NEK5: variants seen among roughly 807,000 people sequenced by gnomAD.
The protein encoded by NEK5 is serine/threonine-protein kinase Nek5.
Under a neutral mutation model 109.2 loss-of-function variants are expected in NEK5, and 88 were observed. The ratio of observed to expected loss-of-function variants is 0.81; its 90% CI spans 0.68 to 0.96. The LOEUF is 0.96. Among genes scored for constraint, NEK5 ranks in the 40% least tolerant of loss-of-function variants. NEK5 has a pLI of 0.00. For synonymous variants in NEK5, 283 were observed against 299.9 expected (o/e 0.94, Z 0.58); for missense variants, 834 against 920.7 (o/e 0.91, Z 1.22).
chr13:52,098,653 G>A (rs531537036), intron 12 of NEK5, among the ~76,000 whole-genome samples: 176 of 152,188 alleles, frequency 1.2e-3, no homozygotes, highest in Non-Finnish European at 2.1e-3. Context: ...TTAGAATTAA[G>A]AATATTAAAT....
chr13:52,082,498 A>G (rs1955035100), intron 17 of NEK5, among the ~76,000 whole-genome samples: 2 of 152,354 alleles, frequency 1.3e-5, no homozygotes, highest in Middle Eastern at 3.4e-3. Context: ...GTCATTTCAC[A>G]GGTTTAATAA....
intron 21 of NEK5, among the ~76,000 whole-genome samples, chr13:52,064,115 C>T (rs1297072431): frequency 1.0e-4 from 15 of 147,248 alleles, no homozygotes; most frequent in Admixed American, 3.3e-4. Context: ...TCTGCCCGGC[C>T]GCCCCTACTG....
chr13:52,082,421 T>A lies in NEK5; in HGVS notation c.1572+839A>T, dbSNP rs1443950626. On this transcript the variant is annotated intron_variant, in intron 17 of 23. Transcript: ENST00000684899. ...GGGCTTCTTATTCGCAAAATAAATA[T>A]AACTCCTTGGAAAGTAAAACATTTT... 3.3e-6 allele frequency: 3 copies of A among 900,522 alleles called. No individual in the cohort carries two copies. In the African/African-American group the frequency reaches 5.5e-5, roughly 17 times the overall value. 55.8% of individuals were successfully genotyped at this position (900,522 alleles called of 1,614,324 possible). A position where few individuals can be genotyped will look rare whatever the true frequency, so the allele number is the denominator to read the frequency against.
At chr13:52,099,224 T>TA (rs1955479609) in intron 12 of NEK5, among the ~76,000 whole-genome samples, 1 of 152,184 alleles carries the variant, frequency 6.6e-6, no homozygotes, top group East Asian at 1.9e-4. Context: ...TTTTTTTAAT[T>TA]AAAAAATTAA....
Position 52,127,516 on chromosome 13 carries a change from G to A in NEK5, c.-22-12C>T, listed in dbSNP as rs201102183. On this transcript the variant is annotated splice_polypyrimidine_tract_variant and intron_variant, in intron 2 of 23. Transcript: ENST00000684899. ...ATGGGCTGAGTTTCCTGGAATTAGA[G>A]TAATGTAAATTTATCACACACGTCT... 3.0e-4 allele frequency: 341 copies of A among 1,143,210 alleles called. No individual in the cohort carries two copies. In the African/African-American group the frequency reaches 3.1e-3, roughly 11 times the overall value. 70.8% of individuals were successfully genotyped at this position (1,143,210 alleles called of 1,614,324 possible).
chr13:52,099,970 A>G (rs549458028), intron 11 of NEK5, 94 bp from the exon 12 acceptor site: 6 of 932,316 alleles, frequency 6.4e-6, no homozygotes, highest in African/African-American at 3.3e-5. Context: ...GCTACATTTC[A>G]TAACACAGTA....
intron 22 of NEK5, among the ~76,000 whole-genome samples, chr13:52,050,480 T>C (rs893082284): frequency 6.6e-6 from 1 of 152,064 alleles, no homozygotes; most frequent in Non-Finnish European, 1.5e-5. Context: ...AAAATCTTTG[T>C]GTAAAAAAAA....
intron 16 of NEK5, among the ~76,000 whole-genome samples, chr13:52,085,634 T>G (rs1459268399): frequency 6.6e-6 from 1 of 152,090 alleles, no homozygotes; most frequent in Non-Finnish European, 1.5e-5. Flanking sequence ...GGGCACTGAG[T>G]GTGTTCCTAG....
At chr13:52,052,920 G>C (rs1474900569) in intron 22 of NEK5, among the ~76,000 whole-genome samples, 1 of 152,066 alleles carries the variant, frequency 6.6e-6, no homozygotes, top group Non-Finnish European at 1.5e-5. Flanking sequence ...CATCCTTTCA[G>C]AAGTACAAAT....
chr13:52,093,214 T>G lies in NEK5; in HGVS notation c.1048A>C (p.Lys350Gln), dbSNP rs961375155. The change falls in exon 13 of 24, where the codon AAA becomes CAA. Residue 350 changes from lysine to glutamine, a missense_variant. By Grantham distance (53) the Lys-to-Gln change is moderately conservative (BLOSUM62 1). This residue lies in a region of NEK5 where 777 missense variants were observed against 824.7 expected (regional missense o/e 0.94). Coordinates refer to ENST00000684899, the MANE Select transcript of NEK5 (RefSeq NM_001365552.1). ...TAATGTCCACAGACAGCAGCAATTTTGGGTCTTTCTATCATTTTTATCTGA... is the reference window on the plus strand; with the variant it reads ...TAATGTCCACAGACAGCAGCAATTTGGGGTCTTTCTATCATTTTTATCTGA... ...ARSIKMIERP[K>Q]IAAVCGHYDY... The G allele has an allele frequency of 6.2e-7, 1 of 1,612,806 alleles. No homozygotes were observed.
chr13:52,061,525 T>C (rs1954614476), intron 22 of NEK5, among the ~76,000 whole-genome samples: 1 of 152,172 alleles, frequency 6.6e-6, no homozygotes, highest in African/African-American at 2.4e-5. Context: ...CTGACTCAGG[T>C]AGAGCAAAAC....
At position 52,087,452 on chromosome 13, in the gene NEK5, AC is replaced by A; in HGVS notation, c.1277del (p.Gly426ValfsTer17). The A allele has an allele frequency of 6.5e-7, 1 of 1,532,930 alleles. No individual in the cohort carries two copies. Among genetic ancestry groups the A allele is most frequent in the South Asian group, 1.1e-5 (1 of 87,080 alleles). 95.0% of individuals were successfully genotyped at this position (1,532,930 alleles called of 1,614,324 possible). On this transcript the variant is annotated frameshift_variant and splice_region_variant, in exon 15 of 24. Coordinates refer to ENST00000684899, the MANE Select transcript of NEK5 (RefSeq NM_001365552.1). LOFTEE classifies it high-confidence loss of function. ...TTGGCTCGGCAGAAGATGGACGAAG[AC>A]CCTATTTATTGAATGAAATAATTTA... The part of the protein sequence containing the change: ...QYKLKVEKQL[G>X]LRPSSAEPNY...
At position 52,086,371 on chromosome 13, in the gene NEK5, G is replaced by T. The variant is rs1955143418; in HGVS notation, c.1393-8C>A. ...TAACTGCTTCCAATATTCCTGGAAA[G>T]CAAACCCAATCCAGAAACTTTAAAT... On this transcript the variant is annotated splice_polypyrimidine_tract_variant and splice_region_variant and intron_variant, in intron 15 of 23. Coordinates refer to ENST00000684899, the MANE Select transcript of NEK5 (RefSeq NM_001365552.1). 2.5e-6 allele frequency: 4 copies of T among 1,574,734 alleles called. No homozygotes were observed. In the African/African-American group the frequency reaches 5.4e-5, roughly 21 times the overall value.
intron 23 of NEK5, among the ~76,000 whole-genome samples, chr13:52,039,796 A>G (rs1343702104): frequency 6.6e-6 from 1 of 152,088 alleles, no homozygotes; most frequent in Non-Finnish European, 1.5e-5. Context: ...TTCAACTTCC[A>G]GAAGTTCTAG....
At chr13:52,078,009 G>A (rs1382234083) in intron 17 of NEK5, among the ~76,000 whole-genome samples, 1 of 152,144 alleles carries the variant, frequency 6.6e-6, no homozygotes, top group Non-Finnish European at 1.5e-5. Context: ...AGCAGGCAGA[G>A]GTTGTGGTGA....
chr13:52,075,652 G>GA, intron 19 of NEK5, 106 bp downstream of exon 19: 2 of 735,856 alleles, frequency 2.7e-6, no homozygotes, highest in African/African-American at 1.8e-5. Flanking sequence ...AATAAAAGTT[G>GA]AAAAAAATTA....
At chr13:52,103,168 C>A (rs1955576778) in intron 9 of NEK5, among the ~76,000 whole-genome samples, 1 of 152,222 alleles carries the variant, frequency 6.6e-6, no homozygotes, top group Non-Finnish European at 1.5e-5. Flanking sequence ...GTGGCTCACG[C>A]CTGTAATCCC....
chr13:52,120,962 C>A (rs1955958223), intron 3 of NEK5, among the ~76,000 whole-genome samples: 1 of 150,824 alleles, frequency 6.6e-6, no homozygotes, highest in Non-Finnish European at 1.5e-5. Flanking sequence ...ATATAGTATT[C>A]CATGTATGAA....
intron 8 of NEK5, among the ~76,000 whole-genome samples, chr13:52,105,238 A>AGTGT (rs5803594): frequency 0.024 from 3,544 of 148,184 alleles, 65 homozygotes; most frequent in African/African-American, 0.044. Flanking sequence ...TTTGTGCATG[A>AGTGT]GTGTGTGTGT....
Sources: allele counts gnomAD v4.1 joint callset (sites outside exome capture counted in the v4.1 genomes callset), GRCh38; gene constraint gnomAD v4.1.1; regional missense constraint gnomAD v4.1.1; transcripts MANE v1.5; gene names NCBI Gene and HGNC (gene_info 2026-07-23, HGNC 2026-07-21).